NDRG3: variants seen among roughly 807,000 people sequenced by gnomAD.
NDRG3 encodes the protein protein NDRG3.
A neutral mutation model predicts 57.2 loss-of-function variants in NDRG3; 23 were observed. That is an observed-to-expected ratio of 0.40 (90% CI 0.29 to 0.57). The LOEUF is 0.57. Among genes scored for constraint, NDRG3 ranks in the 20% least tolerant of loss-of-function variants. The pLI is 0.42. For synonymous variants in NDRG3, 132 were observed against 162.6 expected, an observed-to-expected ratio of 0.81 and a Z score of 1.43; for missense variants, 384 against 457.3, an observed-to-expected ratio of 0.84 and a Z score of 1.46.
chr20:36,743,810 TC>T, intron 1 of NDRG3, among the ~76,000 whole-genome samples: 1 of 148,888 alleles, frequency 6.7e-6, no homozygotes, highest in Non-Finnish European at 1.5e-5. Context: ...AGAGCGAGAC[TC>T]CGTCTCAAAA....
At chr20:36,673,875 C>T (rs572208972) in intron 8 of NDRG3, among the ~76,000 whole-genome samples, 3 of 150,426 alleles carry the variant, frequency 2.0e-5, no homozygotes, top group Admixed American at 6.7e-5. Flanking sequence ...GAGGCCAAGA[C>T]GGGTGGATCA....
At chr20:36,666,436 G>C (rs1979640837) in intron 9 of NDRG3, 44 bp from the exon 10 acceptor site, 4 of 1,407,074 alleles carry the variant, frequency 2.8e-6, no homozygotes, top group Non-Finnish European at 4.0e-6. Flanking sequence ...CTGAGCTCCA[G>C]AATAAGTCCA....
chr20:36,744,330 C>G (rs1163336395), intron 1 of NDRG3, among the ~76,000 whole-genome samples: 1 of 151,904 alleles, frequency 6.6e-6, no homozygotes, highest in Non-Finnish European at 1.5e-5. Flanking sequence ...CAAAGAGAAA[C>G]TGAAGGGCAG....
Position 36,653,762 on chromosome 20 carries a change from G to A in NDRG3, c.947-61C>T, listed in dbSNP as rs567227160. On this transcript the variant is annotated intron_variant, in intron 15 of 15. Transcript: ENST00000349004. The surrounding 1 kb of genome is among the most constrained non-coding windows in gnomAD (Gnocchi z 4.2). ...CCCCGGTTAAGCCCAGCTAACCTAG[G>A]AGTCTCATCAAAGTCTTTATGTTTA... 7 of 1,502,532 alleles carry A rather than the reference G, an allele frequency of 4.7e-6. No homozygotes were observed. The highest frequency in any genetic ancestry group is 4.5e-5 in the East Asian group (2 of 44,102). 93.1% of individuals were successfully genotyped at this position (1,502,532 alleles called of 1,614,324 possible). A position where few individuals can be genotyped will look rare whatever the true frequency, so the allele number is the denominator to read the frequency against.
chr20:36,711,605 T>C (rs1056630114), intron 2 of NDRG3, among the ~76,000 whole-genome samples: 3 of 152,170 alleles, frequency 2.0e-5, no homozygotes, highest in Non-Finnish European at 4.4e-5. Flanking sequence ...GTCCCTGACA[T>C]GAGCACAAAG....
chr20:36,681,434 G>C (rs1981280881), intron 7 of NDRG3, among the ~76,000 whole-genome samples: 1 of 151,912 alleles, frequency 6.6e-6, no homozygotes, highest in South Asian at 2.1e-4. Flanking sequence ...TCAGGAGTTA[G>C]AGACCAGCCT....
At chr20:36,665,704 T>C (rs1979569045) in intron 10 of NDRG3, among the ~76,000 whole-genome samples, 1 of 152,138 alleles carries the variant, frequency 6.6e-6, no homozygotes. Flanking sequence ...GTTCAAGCGA[T>C]TCTCCTGCCT....
chr20:36,665,318 G>A lies in NDRG3; in HGVS notation c.693-17C>T. The A allele has an allele frequency of 6.2e-7, 1 of 1,613,328 alleles. No homozygotes were observed. The highest frequency in any genetic ancestry group is 1.1e-5 in the South Asian group (1 of 91,066). On this transcript the variant is annotated splice_polypyrimidine_tract_variant and intron_variant, in intron 10 of 15. Coordinates refer to ENST00000349004, the MANE Select transcript of NDRG3 (RefSeq NM_032013.4). The stretch of plus-strand genomic sequence containing the variant: ...TCTCTGCGTCTAGAAAAACAAAGCA[G>A]AAGCAATGCCCTTTTTGGGTAAAGT...
intron 1 of NDRG3, among the ~76,000 whole-genome samples, chr20:36,725,988 G>A (rs1984911092): frequency 6.7e-6 from 1 of 150,110 alleles, no homozygotes. Flanking sequence ...GAGTGCAGTG[G>A]CACAATCATG....
chr20:36,703,460 A>G lies in NDRG3; in HGVS notation c.93+3512T>C, dbSNP rs200059927. Among the ~76,000 whole-genome samples the G allele has an allele frequency of 7.0e-5, 10 of 143,028 alleles. No individual in the cohort carries two copies. In the South Asian group the frequency reaches 2.0e-3, roughly 28 times the overall value. The allele number at this position is 143,028 out of a possible 152,430, so 93.8% of individuals were successfully genotyped here. On this transcript the variant is annotated intron_variant, in intron 3 of 15. Coordinates refer to ENST00000349004, the MANE Select transcript of NDRG3 (RefSeq NM_032013.4). ...TATCTATCTATCTATCTATCTATCT[A>G]TATGTGTGTGTGTGTGTAATATATA...
chr20:36,714,774 C>T (rs1481272474), intron 2 of NDRG3, among the ~76,000 whole-genome samples: 3 of 151,048 alleles, frequency 2.0e-5, no homozygotes, highest in African/African-American at 4.9e-5. Context: ...CCACCACGCC[C>T]GGCTAATTTT....
At chr20:36,697,792 A>G (rs928731231) in intron 3 of NDRG3, among the ~76,000 whole-genome samples, 1 of 151,778 alleles carries the variant, frequency 6.6e-6, no homozygotes, top group Non-Finnish European at 1.5e-5. Flanking sequence ...TGTATGATCT[A>G]TAAGTGTGTG....
rs183690853 is a variant in NDRG3, at chr20:36,707,104, C to T, written c.58-97G>A. ...CACAGTGACAGCAGTGCATGTGCAG[C>T]CTCTTGGTTGCCATAAAACTGAAAT... On this transcript the variant is annotated intron_variant, in intron 2 of 15. Coordinates refer to ENST00000349004, the MANE Select transcript of NDRG3 (RefSeq NM_032013.4). 3.6e-6 allele frequency: 4 copies of T among 1,117,256 alleles called. No individual in the cohort carries two copies. The African/African-American group carries it at 4.6e-5, about 13-fold the overall frequency. The allele number at this position is 1,117,256 out of a possible 1,614,324, so 69.2% of individuals were successfully genotyped here.
intron 13 of NDRG3, among the ~76,000 whole-genome samples, chr20:36,658,284 A>T (rs1189290381): frequency 6.6e-6 from 1 of 152,196 alleles, no homozygotes; most frequent in African/African-American, 2.4e-5. Context: ...GGTGCCCAGC[A>T]TCATGCCCGG....
chr20:36,741,117 G>A (rs1180816951), intron 1 of NDRG3, among the ~76,000 whole-genome samples: 1 of 152,054 alleles, frequency 6.6e-6, no homozygotes, highest in Non-Finnish European at 1.5e-5. Flanking sequence ...TCCTATCCAG[G>A]CTTGTCCGTT....
At chr20:36,719,227 G>C (rs1984446921) in intron 2 of NDRG3, among the ~76,000 whole-genome samples, 1 of 151,990 alleles carries the variant, frequency 6.6e-6, no homozygotes, top group Non-Finnish European at 1.5e-5. Flanking sequence ...AAGAGATCGA[G>C]ACCATCCTGG....
chr20:36,714,777 C>G (rs1189816626), intron 2 of NDRG3, among the ~76,000 whole-genome samples: 1 of 151,330 alleles, frequency 6.6e-6, no homozygotes, highest in Non-Finnish European at 1.5e-5. Flanking sequence ...CCACGCCCGG[C>G]TAATTTTTTA....
chr20:36,696,496 CTTTT>C (rs947816960), intron 3 of NDRG3, among the ~76,000 whole-genome samples: 16 of 151,348 alleles, frequency 1.1e-4, no homozygotes, highest in Admixed American at 2.6e-4. Flanking sequence ...CTTTTTCTTT[CTTTT>C]TTTTCTTTTT....
chr20:36,720,546 T>C (rs1984530141), intron 2 of NDRG3, among the ~76,000 whole-genome samples: 1 of 152,158 alleles, frequency 6.6e-6, no homozygotes, highest in Non-Finnish European at 1.5e-5. Context: ...CTGCTCCTTG[T>C]GTAGTTCTCT....
Sources: gnomAD v4.1 joint callset for allele counts (sites outside exome capture counted in the v4.1 genomes callset) on GRCh38, gnomAD v4.1.1 for gene constraint, Gnocchi (gnomAD v3.1) non-coding constraint, MANE v1.5 for transcripts, NCBI Gene and HGNC (gene_info 2026-07-23, HGNC 2026-07-21) for gene names.